The following OSBP2 variants were observed in gnomAD, a reference collection of about 807,000 sequenced individuals.
OSBP2 encodes oxysterol-binding protein 2.
In OSBP2, 66 loss-of-function variants were observed where a neutral mutation model predicts 96.0. That is an observed-to-expected ratio of 0.69 (90% CI 0.56 to 0.84). OSBP2 has a LOEUF of 0.84. Ranked by LOEUF, OSBP2 falls within the 40% of genes least tolerant of loss-of-function variation. The pLI is 0.00. For missense variants in OSBP2, 1,038 were observed against 1,222.7 expected (o/e 0.85, Z 2.25); for synonymous variants, 525 against 520.9 (o/e 1.01, Z -0.11).
chr22:30,693,887 C>T (rs2088970197), upstream of OSBP2: 2 of 591,314 alleles, frequency 3.4e-6, no homozygotes, highest in African/African-American at 3.8e-5. Context: ...ATCGCTTGAA[C>T]CTGGGAAGCG....
chr22:30,745,778 G>A (rs1336061709), intron 2 of OSBP2, among the ~76,000 whole-genome samples: 4 of 151,594 alleles, frequency 2.6e-5, no homozygotes, highest in Non-Finnish European at 5.9e-5. Context: ...AAAGACTGAC[G>A]TAGTTGGTAA....
In OSBP2 at chr22:30,714,210, C is replaced by T. The variant is rs544697700; in HGVS notation, c.644+18657C>T. On this transcript the variant is annotated intron_variant, in intron 1 of 13. Coordinates refer to ENST00000332585, the MANE Select transcript of OSBP2 (RefSeq NM_030758.4). ...TTTACTTAACATAATGTTCTCTGGG[C>T]TCATGCATGTTGTGCACATACAAGA... Among the ~76,000 whole-genome samples the T allele has an allele frequency of 5.3e-5, 8 of 152,262 alleles. No homozygotes were observed. The South Asian group carries it at 8.3e-4, about 16-fold the overall frequency.
At chr22:30,694,176 G>A, upstream of OSBP2, 2 of 1,550,226 alleles carry the variant, frequency 1.3e-6, no homozygotes, top group Non-Finnish European at 1.7e-6. Flanking sequence ...TAAAACGCTT[G>A]GTTTACAAAA....
At chr22:30,811,278 A>T (rs2091002667) in intron 2 of OSBP2, among the ~76,000 whole-genome samples, 1 of 151,318 alleles carries the variant, frequency 6.6e-6, no homozygotes. Flanking sequence ...TGATACAAAT[A>T]CATCTCTTTT....
chr22:30,694,293 CGGCCACTTGG>C, upstream of OSBP2: 2 of 1,549,540 alleles, frequency 1.3e-6, no homozygotes, highest in Non-Finnish European at 8.7e-7. Flanking sequence ...GGCGGTGAGG[CGGCCACTTGG>C]GGCCACCGCT....
intron 2 of OSBP2, among the ~76,000 whole-genome samples, chr22:30,835,155 T>G (rs978106322): frequency 5.3e-5 from 8 of 152,196 alleles, no homozygotes; most frequent in Non-Finnish European, 1.0e-4. Context: ...TTAATTTTGA[T>G]GTTTAATTTA....
intron 1 of OSBP2, among the ~76,000 whole-genome samples, chr22:30,738,239 C>G (rs1211516914): frequency 3.3e-5 from 5 of 151,940 alleles, no homozygotes; most frequent in African/African-American, 1.2e-4. Flanking sequence ...GGTCTTTGCC[C>G]CTGCTGCTCT....
intron 2 of OSBP2, among the ~76,000 whole-genome samples, chr22:30,836,646 G>A (rs1241946686): frequency 6.6e-6 from 1 of 152,212 alleles, no homozygotes; most frequent in Non-Finnish European, 1.5e-5. Context: ...CTTTGGGCAA[G>A]CTTTCAGGCA....
At chr22:30,729,515 A>G (rs921768528) in intron 1 of OSBP2, among the ~76,000 whole-genome samples, 1 of 152,058 alleles carries the variant, frequency 6.6e-6, no homozygotes, top group Non-Finnish European at 1.5e-5. Flanking sequence ...GTGGGTGCCT[A>G]TAATCCCAGT....
intron 1 of OSBP2, among the ~76,000 whole-genome samples, chr22:30,707,254 G>A (rs1326950812): frequency 9.9e-5 from 15 of 152,104 alleles, no homozygotes; most frequent in Admixed American, 8.5e-4. Flanking sequence ...TCGCTGCCAC[G>A]CCCGGCTAAT....
intron 2 of OSBP2, among the ~76,000 whole-genome samples, chr22:30,767,545 CTT>C (rs695843): frequency 1.2e-3 from 175 of 146,334 alleles, no homozygotes; most frequent in Middle Eastern, 3.5e-3. Context: ...ATCAGAATTC[CTT>C]TTTTTTTTTT....
At chr22:30,893,374 G>T in intron 9 of OSBP2, 89 bp from the exon 10 acceptor site, 1 of 1,542,070 alleles carries the variant, frequency 6.5e-7, no homozygotes, top group Non-Finnish European at 9.0e-7. Flanking sequence ...CAACCCCCCA[G>T]CCTAGTTCTC....
chr22:30,850,394 C>T (rs1193956647), intron 2 of OSBP2, among the ~76,000 whole-genome samples: 1 of 151,996 alleles, frequency 6.6e-6, no homozygotes, highest in African/African-American at 2.4e-5. Context: ...CATACTTACG[C>T]CAATACTACA....
intron 2 of OSBP2, among the ~76,000 whole-genome samples, chr22:30,807,789 C>CTT (rs372693719): frequency 6.6e-6 from 1 of 151,886 alleles, no homozygotes; most frequent in African/African-American, 2.4e-5. Context: ...CCAGCTGGGT[C>CTT]TTTTTTTTGT....
chr22:30,807,219 C>T lies in OSBP2; in HGVS notation c.854-63210C>T, dbSNP rs193231723. ...GGCCCCATCTCTCCTACCTTGAACTCCAGCCCCTGCCCCCGCGAGACTCAG... is the reference window on the plus strand; with the variant it reads ...GGCCCCATCTCTCCTACCTTGAACTTCAGCCCCTGCCCCCGCGAGACTCAG... On this transcript the variant is annotated intron_variant, in intron 2 of 13. Coordinates refer to ENST00000332585, the MANE Select transcript of OSBP2 (RefSeq NM_030758.4). Among the ~76,000 whole-genome samples, 763 of 152,250 alleles carry T rather than the reference C, an allele frequency of 5.0e-3. 3 individuals carry two copies. The highest frequency in any genetic ancestry group is 7.1e-3 in the Non-Finnish European group (481 of 68,014).
At chr22:30,850,470 T>C (rs1437210387) in intron 2 of OSBP2, among the ~76,000 whole-genome samples, 1 of 152,280 alleles carries the variant, frequency 6.6e-6, no homozygotes, top group Non-Finnish European at 1.5e-5. Context: ...TCCAGGTTTG[T>C]TCTTGTTTTC....
intron 3 of OSBP2, chr22:30,872,364 T>C (rs1421751024): frequency 4.4e-6 from 2 of 456,400 alleles, no homozygotes; most frequent in South Asian, 1.5e-5. Flanking sequence ...CCAAAACTGC[T>C]TTGTCTTGAA....
chr22:30,890,631 T>C lies in OSBP2; in HGVS notation c.1624-97T>C. 7.2e-7 allele frequency: 1 copy of C among 1,390,092 alleles called. No individual in the cohort carries two copies. Among genetic ancestry groups the C allele is most frequent in the Non-Finnish European group, 9.9e-7 (1 of 1,005,380 alleles). The allele number at this position is 1,390,092 out of a possible 1,614,324, so 86.1% of individuals were successfully genotyped here. A position where few individuals can be genotyped will look rare whatever the true frequency, so the allele number is the denominator to read the frequency against. The stretch of plus-strand genomic sequence containing the variant: ...GAGGAGCCTCACTGTGAAGGTGCTG[T>C]CTGAGCAGGGATGTCCCTGAACATC... On this transcript the variant is annotated intron_variant, in intron 7 of 13. Coordinates refer to ENST00000332585, the MANE Select transcript of OSBP2 (RefSeq NM_030758.4). This position sits in a 1 kb window ranked among gnomAD's most constrained non-coding sequence, Gnocchi z 4.4.
intron 2 of OSBP2, among the ~76,000 whole-genome samples, chr22:30,837,905 C>T (rs1340467274): frequency 1.3e-5 from 2 of 152,168 alleles, no homozygotes; most frequent in Non-Finnish European, 1.5e-5. Context: ...TTTTTCCAAG[C>T]TCACATGTGC....
Sources: gnomAD v4.1 joint callset for allele counts (sites outside exome capture counted in the v4.1 genomes callset) on GRCh38, gnomAD v4.1.1 for gene constraint, Gnocchi (gnomAD v3.1) non-coding constraint, MANE v1.5 for transcripts, NCBI Gene and HGNC (gene_info 2026-07-23, HGNC 2026-07-21) for gene names.